The following RCAN1 variants were observed in gnomAD, a reference collection of about 807,000 sequenced individuals.
RCAN1 encodes calcipressin-1.
RCAN1 carries 11 observed loss-of-function variants against 22.9 expected under a neutral mutation model. That is an observed-to-expected ratio of 0.48 (90% CI 0.30 to 0.79). RCAN1 has a LOEUF of 0.79. Ranked by LOEUF, RCAN1 falls within the 30% of genes least tolerant of loss-of-function variation. RCAN1 has a pLI of 0.06. For missense variants in RCAN1, 291 were observed against 337.8 expected, an observed-to-expected ratio of 0.86 and a Z score of 1.09; for synonymous variants, 136 against 142.3, an observed-to-expected ratio of 0.96 and a Z score of 0.32.
intron 1 of RCAN1, among the ~76,000 whole-genome samples, chr21:34,600,235 C>A (rs1278599082): frequency 6.6e-6 from 1 of 152,110 alleles, no homozygotes; most frequent in East Asian, 1.9e-4. Context: ...CAGGGTGCTG[C>A]CTACTTTCAT....
At chr21:34,547,284 C>A (rs556858388) in intron 1 of RCAN1, among the ~76,000 whole-genome samples, 1 of 152,238 alleles carries the variant, frequency 6.6e-6, no homozygotes, top group East Asian at 1.9e-4. Context: ...AGGTTTTTAC[C>A]TAGGTCTACT....
At chr21:34,536,987 G>A (rs1347420730) in intron 1 of RCAN1, among the ~76,000 whole-genome samples, 1 of 152,232 alleles carries the variant, frequency 6.6e-6, no homozygotes, top group Non-Finnish European at 1.5e-5. Flanking sequence ...CTGCAGTTGA[G>A]AAGTCCCAAC....
rs1984549379 is a variant in RCAN1, at chr21:34,521,549, G to T, written c.536C>A (p.Thr179Asn). 1 of 1,614,254 alleles carries T rather than the reference G, an allele frequency of 6.2e-7. No homozygotes were observed. Among genetic ancestry groups the T allele is most frequent in the Non-Finnish European group, 8.5e-7 (1 of 1,180,052 alleles). ...TAAGAGATCATAGTTTATGACTGGG[G>T]TCGCATCTTCCACTTGTTTCCATCC... is the stretch of plus-strand genomic sequence containing the variant. ...PVGWKQVEDA[T>N]PVINYDLLYA... is the part of the protein sequence containing the mutation. Residue 179 changes from threonine (T) to asparagine (N), a missense_variant, in exon 3 of 4, where the codon ACC (threonine) becomes AAC (asparagine). Thr to Asn is a moderately conservative substitution (Grantham distance 65). Transcript: ENST00000313806.
At chr21:34,568,383 C>T (rs1328700795) in intron 1 of RCAN1, among the ~76,000 whole-genome samples, 1 of 152,208 alleles carries the variant, frequency 6.6e-6, no homozygotes, top group Non-Finnish European at 1.5e-5. Context: ...AGAGCTTGAC[C>T]TCAAATGTTT....
At chr21:34,576,718 C>T (rs1366584446) in intron 1 of RCAN1, among the ~76,000 whole-genome samples, 1 of 152,190 alleles carries the variant, frequency 6.6e-6, no homozygotes, top group South Asian at 2.1e-4. Context: ...TACTGAGACT[C>T]TAATCACCGC....
chr21:34,565,261 T>C (rs1161954524), intron 1 of RCAN1, among the ~76,000 whole-genome samples: 3 of 152,250 alleles, frequency 2.0e-5, no homozygotes, highest in Non-Finnish European at 4.4e-5. Flanking sequence ...TTCATTCTTC[T>C]AGTAATTCAC....
At chr21:34,607,450 C>T (rs1050371163) in intron 1 of RCAN1, among the ~76,000 whole-genome samples, 1 of 151,468 alleles carries the variant, frequency 6.6e-6, no homozygotes, top group African/African-American at 2.4e-5. Context: ...AGTGCAGTGG[C>T]GCAATCTCAG....
At chr21:34,584,025 G>C (rs1987710603) in intron 1 of RCAN1, among the ~76,000 whole-genome samples, 1 of 152,142 alleles carries the variant, frequency 6.6e-6, no homozygotes, top group African/African-American at 2.4e-5. Context: ...ACTTTTCTTT[G>C]AGCCTCCTCC....
At chr21:34,541,673 G>T (rs985467254) in intron 1 of RCAN1, among the ~76,000 whole-genome samples, 1 of 152,162 alleles carries the variant, frequency 6.6e-6, no homozygotes, top group Non-Finnish European at 1.5e-5. Flanking sequence ...GATGGCTCAC[G>T]CCTGTAATGC....
intron 1 of RCAN1, among the ~76,000 whole-genome samples, chr21:34,537,628 C>T (rs1018186267): frequency 2.6e-5 from 4 of 152,232 alleles, no homozygotes; most frequent in Non-Finnish European, 5.9e-5. Flanking sequence ...GACCAGCCCC[C>T]AGGGCATTTC....
At chr21:34,525,185 C>A (rs896463240) in intron 1 of RCAN1, 19 of 1,550,438 alleles carry the variant, frequency 1.2e-5, no homozygotes, top group Non-Finnish European at 1.6e-5. Flanking sequence ...TGCTAGCAAG[C>A]GCGGGGAGGC....
intron 1 of RCAN1, among the ~76,000 whole-genome samples, chr21:34,545,959 CAT>C (rs901843951): frequency 6.6e-6 from 1 of 152,180 alleles, no homozygotes; most frequent in African/African-American, 2.4e-5. Flanking sequence ...TGCTTTGAAA[CAT>C]GTCATTTCAA....
intron 1 of RCAN1, among the ~76,000 whole-genome samples, chr21:34,527,825 G>A (rs773631388): frequency 1.3e-5 from 2 of 148,752 alleles, no homozygotes; most frequent in African/African-American, 2.5e-5. Context: ...GGGTTAAGAG[G>A]TCCTGCTTAA....
At chr21:34,541,584 C>A (rs1040311218) in intron 1 of RCAN1, among the ~76,000 whole-genome samples, 1 of 152,180 alleles carries the variant, frequency 6.6e-6, no homozygotes, top group African/African-American at 2.4e-5. Context: ...TATCTATTAA[C>A]GGATGTCCTG....
intron 1 of RCAN1, among the ~76,000 whole-genome samples, chr21:34,551,763 G>A (rs1362732601): frequency 6.6e-6 from 1 of 152,030 alleles, no homozygotes; most frequent in Admixed American, 6.6e-5. Context: ...CTCCCTGAAT[G>A]TTGGAGGATG....
intron 1 of RCAN1, among the ~76,000 whole-genome samples, chr21:34,567,169 A>G (rs980561445): frequency 6.6e-6 from 1 of 152,222 alleles, no homozygotes; most frequent in African/African-American, 2.4e-5. Context: ...AAATGCTTCA[A>G]AGTAAGAAAG....
At chr21:34,595,919 C>T (rs1049550235) in intron 1 of RCAN1, among the ~76,000 whole-genome samples, 17 of 152,252 alleles carry the variant, frequency 1.1e-4, no homozygotes, top group South Asian at 4.1e-4. Flanking sequence ...AGTCCATCTA[C>T]GCAGATGCAG....
intron 1 of RCAN1, among the ~76,000 whole-genome samples, chr21:34,564,260 T>A (rs1221152574): frequency 6.6e-6 from 1 of 152,014 alleles, no homozygotes; most frequent in Non-Finnish European, 1.5e-5. Context: ...ATTATGGGGA[T>A]TACAATTCAA....
chr21:34,556,553 G>A (rs1470410888), intron 1 of RCAN1, among the ~76,000 whole-genome samples: 1 of 151,998 alleles, frequency 6.6e-6, no homozygotes, highest in Non-Finnish European at 1.5e-5. Flanking sequence ...CATACAAGTT[G>A]AAAATATGTA....
Sources: gnomAD v4.1 joint callset for allele counts (sites outside exome capture counted in the v4.1 genomes callset) on GRCh38, gnomAD v4.1.1 for gene constraint, MANE v1.5 for transcripts, NCBI Gene and HGNC (gene_info 2026-07-23, HGNC 2026-07-21) for gene names.